Variants in AKT1S1 observed in about 807,000 individuals in gnomAD.
The protein encoded by AKT1S1 is proline-rich AKT1 substrate 1.
A neutral mutation model predicts 21.2 loss-of-function variants in AKT1S1; 17 were observed. That is an observed-to-expected ratio of 0.80 (90% CI 0.55 to 1.20). AKT1S1 has a LOEUF of 1.20. Among genes scored for constraint, AKT1S1 ranks in the 50% most tolerant of loss-of-function variants. The pLI, the probability that AKT1S1 is intolerant of heterozygous loss-of-function variation, is 0.00. For missense variants in AKT1S1, 366 were observed against 368.3 expected (o/e 0.99, Z 0.05); for synonymous variants, 181 against 165.6 (o/e 1.09, Z -0.72).
chr19:49,870,140 G>T (rs2122362698), intron 4 of AKT1S1, 80 bp from the exon 5 acceptor site: 1 of 1,328,274 alleles, frequency 7.5e-7, no homozygotes, highest in African/African-American at 1.6e-5. Flanking sequence ...GGGTGCACCC[G>T]GGCTCCAAGC....
At chr19:49,877,811 T>C, upstream of AKT1S1, 9 of 1,528,012 alleles carry the variant, frequency 5.9e-6, no homozygotes, top group Non-Finnish European at 7.1e-6. Context: ...GATCAGCTCT[T>C]CTCTCAGGCC....
In AKT1S1 at chr19:49,871,885, G is replaced by C; in HGVS notation, c.384C>G (p.Leu128=). The C allele has an allele frequency of 1.9e-6, 3 of 1,613,332 alleles. No individual in the cohort carries two copies. Among genetic ancestry groups the C allele is most frequent in the Non-Finnish European group, 2.5e-6 (3 of 1,179,776 alleles). ...GGGTGGCGTCCTCATCCATCACAAA[G>C]AGCCCTGTGGATGACCTGAGTTAGA... is the stretch of plus-strand genomic sequence containing the variant. ...EQLGISDNGG[L]FVMDEDATLQ... is the part of the protein sequence containing the mutation. Residue 128 remains leucine, a synonymous_variant, in exon 3 of 5, where the codon CTC becomes CTG. Transcript: ENST00000344175.
upstream of AKT1S1, chr19:49,877,721 A>G: frequency 6.2e-7 from 1 of 1,600,574 alleles, no homozygotes; most frequent in Non-Finnish European, 8.5e-7. Context: ...TTCGGCGGCG[A>G]CTATGGAAGG....
intron 1 of AKT1S1, chr19:49,876,512 T>A: frequency 2.1e-6 from 3 of 1,433,482 alleles, no homozygotes; most frequent in Non-Finnish European, 2.8e-6. Flanking sequence ...GCCATACCCC[T>A]CCCGTGAGCC....
chr19:49,873,227 C>T lies in AKT1S1; in HGVS notation c.69G>A (p.Arg23=). The change falls in exon 2 of 5, where the codon CGG becomes CGA. Residue 23 remains arginine (R), a synonymous_variant. Transcript: ENST00000344175. The surrounding 1 kb of genome is among the most constrained non-coding windows in gnomAD (Gnocchi z 6.9). Reference sequence around the variant, plus strand: ...TCAGCAGCACCAGCTCCGTGCCAGTCCGGGCCCGGAAGCGCTCAGCGGCCC... The same window carrying T: ...TCAGCAGCACCAGCTCCGTGCCAGTTCGGGCCCGGAAGCGCTCAGCGGCCC... The part of the protein sequence containing the change: ...VVGAAERFRA[R]TGTELVLLTA... 1 of 1,536,868 alleles carries T rather than the reference C, an allele frequency of 6.5e-7. No individual in the cohort carries two copies. Among genetic ancestry groups the T allele is most frequent in the Non-Finnish European group, 8.7e-7 (1 of 1,151,310 alleles).
chr19:49,876,468 T>A, intron 1 of AKT1S1: 1 of 1,182,480 alleles, frequency 8.5e-7, no homozygotes, highest in East Asian at 3.2e-5. Context: ...CAGCAAAGGA[T>A]CGCTGGCAGA....
At chr19:49,874,500 C>G (rs4802634) in intron 1 of AKT1S1, 1 of 152,126 alleles carries the variant, frequency 6.6e-6, no homozygotes, top group Non-Finnish European at 1.5e-5. Flanking sequence ...GAGCTTGTGA[C>G]AGCTGTAACC....
In AKT1S1 at chr19:49,869,703, AC is replaced by A; in HGVS notation, c.*213del. The A allele has an allele frequency of 2.0e-6, 1 of 491,110 alleles. No homozygotes were observed. 30.4% of individuals were successfully genotyped at this position (491,110 alleles called of 1,614,324 possible). On this transcript the variant is annotated 3_prime_UTR_variant, in exon 5 of 5. Transcript: ENST00000344175. ...GTCGCTAGGCGGAGAGAGACGACAG[AC>A]CCAATCGGGAAACGGGACAGATGCC...
intron 1 of AKT1S1, chr19:49,876,631 C>A: frequency 1.3e-6 from 2 of 1,530,572 alleles, no homozygotes; most frequent in Non-Finnish European, 1.8e-6. Context: ...GCCGGCCCGG[C>A]GCCGTCACCG....
chr19:49,876,921 A>G (rs1264219271), intron 1 of AKT1S1: 6 of 404,028 alleles, frequency 1.5e-5, no homozygotes, highest in Non-Finnish European at 2.2e-5. Flanking sequence ...GACCCACAAT[A>G]AACTTCTTCG....
At chr19:49,872,139 A>G (rs1474266249) in intron 2 of AKT1S1, among the ~76,000 whole-genome samples, 2 of 152,284 alleles carry the variant, frequency 1.3e-5, no homozygotes, top group South Asian at 2.1e-4. Flanking sequence ...TGAAACCTCT[A>G]CGATCTGTTC....
At chr19:49,871,411 C>G in intron 4 of AKT1S1, 136 bp downstream of exon 4, 1 of 1,210,360 alleles carries the variant, frequency 8.3e-7, no homozygotes. Flanking sequence ...TGTCCAAGAA[C>G]TCGCCTCTTG....
At chr19:49,875,936 C>T (rs3810268) in intron 1 of AKT1S1, 412,132 of 984,946 alleles carry the variant, frequency 0.42, 87,203 homozygotes, top group African/African-American at 0.57. Context: ...GAAGAACCCG[C>T]CCCGATAGAC....
intron 1 of AKT1S1, chr19:49,876,848 A>C: frequency 3.8e-6 from 2 of 529,398 alleles, no homozygotes; most frequent in South Asian, 3.5e-5. Context: ...CCCAACAATA[A>C]TGGCCGTCCT....
rs1220878505 is a variant in AKT1S1, at chr19:49,877,302, G to C, written c.-73C>G. 3.1e-5 allele frequency: 6 copies of C among 192,350 alleles called. No individual in the cohort carries two copies. Among genetic ancestry groups the C allele is most frequent in the Non-Finnish European group, 6.5e-5 (6 of 92,726 alleles). The allele number at this position is 192,350 out of a possible 1,614,324, so 11.9% of individuals were successfully genotyped here. Reference sequence around the variant, plus strand: ...CCCCGCAGAGAGATGGGACAGCCCCGTATTAACATGGCCTTAGCTGACCGG... The same window carrying C: ...CCCCGCAGAGAGATGGGACAGCCCCCTATTAACATGGCCTTAGCTGACCGG... On this transcript the variant is annotated 5_prime_UTR_variant, in exon 1 of 5. Transcript: ENST00000344175.
chr19:49,871,683 G>A lies in AKT1S1; in HGVS notation c.491C>T (p.Pro164Leu), dbSNP rs1369906841. The part of the protein sequence containing the change: ...GSLSEETPAG[P>L]PTCSVPPASA... The stretch of plus-strand genomic sequence containing the variant: ...GGCTGGGGGCACTGAGCAGGTGGGG[G>A]GGCCGGCGGGGGTCTCCTCGCTCAG... The change falls in exon 4 of 5, where the codon CCC becomes CTC. Residue 164 changes from proline (P) to leucine (L), a missense_variant. Pro to Leu is a moderately conservative substitution (Grantham distance 98). Transcript: ENST00000344175. The A allele has an allele frequency of 6.2e-7, 1 of 1,613,186 alleles. No individual in the cohort carries two copies. The highest frequency in any genetic ancestry group is 8.5e-7 in the Non-Finnish European group (1 of 1,179,676).
Position 49,871,823 on chromosome 19 carries a change from T to A in AKT1S1, c.446A>T (p.Glu149Val). 1 of 1,611,684 alleles carries A rather than the reference T, an allele frequency of 6.2e-7. No individual in the cohort carries two copies. The highest frequency in any genetic ancestry group is 8.5e-7 in the Non-Finnish European group (1 of 1,179,260). ...DLPPFCESDP[E>V]STDDGSLSEE... ...CCTGGGACACTCACCATCTGTACTC[T>A]CGGGGTCTGACTCACAGAAGGGGGG... The change falls in exon 3 of 5, where the codon GAG (glutamate) becomes GTG (valine). Residue 149 changes from glutamate (E) to valine (V), a missense_variant. Physicochemically the swap from Glu to Val is moderately radical, Grantham distance 121. Coordinates refer to ENST00000344175, the MANE Select transcript of AKT1S1 (RefSeq NM_001098633.4).
upstream of AKT1S1, chr19:49,877,729 A>G: frequency 6.3e-7 from 1 of 1,599,830 alleles, no homozygotes; most frequent in Non-Finnish European, 8.5e-7. Context: ...CGACTATGGA[A>G]GGAGCCGGCT....
chr19:49,869,801 GGGAGACGCAA>G lies in AKT1S1; in HGVS notation c.*106_*115del, dbSNP rs1172191791. 1 of 1,146,800 alleles carries G rather than the reference GGGAGACGCAA, an allele frequency of 8.7e-7. No homozygotes were observed. Among genetic ancestry groups the G allele is most frequent in the Non-Finnish European group, 1.1e-6 (1 of 871,896 alleles). 71.0% of individuals were successfully genotyped at this position (1,146,800 alleles called of 1,614,324 possible). ...GCAGAGGCGGGACAATCTTGGGAAT[GGGAGACGCAA>G]GGAGGCCGGTCCCGGATCGGCCTCA... On this transcript the variant is annotated 3_prime_UTR_variant, in exon 5 of 5. Coordinates refer to ENST00000344175, the MANE Select transcript of AKT1S1 (RefSeq NM_001098633.4).
Sources: gnomAD v4.1 joint callset for allele counts (sites outside exome capture counted in the v4.1 genomes callset) on GRCh38, gnomAD v4.1.1 for gene constraint, Gnocchi (gnomAD v3.1) non-coding constraint, MANE v1.5 for transcripts, NCBI Gene and HGNC (gene_info 2026-07-23, HGNC 2026-07-21) for gene names.